The following SLC38A6 variants were observed in gnomAD, a reference collection of about 807,000 sequenced individuals.
SLC38A6 encodes solute carrier family 38 member 6.
SLC38A6 carries 73 observed loss-of-function variants against 65.0 expected under a neutral mutation model. The observed-to-expected ratio is 1.12, with a 90% CI of 0.93 to 1.37. SLC38A6 has a LOEUF of 1.37. Among genes scored for constraint, SLC38A6 ranks in the 40% most tolerant of loss-of-function variants. The probability of loss-of-function intolerance (pLI) is 0.00; values close to 1 mark genes in which losing one functional copy is unlikely to be tolerated. For missense variants in SLC38A6, 561 were observed against 531.1 expected, an observed-to-expected ratio of 1.06 and a Z score of -0.55; for synonymous variants, 183 against 178.8, an observed-to-expected ratio of 1.02 and a Z score of -0.19.
chr14:61,076,153 C>G (rs1446022591), intron 15 of SLC38A6, among the ~76,000 whole-genome samples: 1 of 152,146 alleles, frequency 6.6e-6, no homozygotes, highest in African/African-American at 2.4e-5. Flanking sequence ...CCACACCCGG[C>G]CTTCAACTCA....
intron 3 of SLC38A6, among the ~76,000 whole-genome samples, chr14:60,989,995 C>T (rs1355735089): frequency 6.6e-6 from 1 of 152,004 alleles, no homozygotes; most frequent in African/African-American, 2.4e-5. Context: ...TTGGTGTACC[C>T]CTGGGACTAT....
At chr14:61,028,219 G>C (rs979219407) in intron 5 of SLC38A6, among the ~76,000 whole-genome samples, 1 of 152,090 alleles carries the variant, frequency 6.6e-6, no homozygotes, top group Non-Finnish European at 1.5e-5. Flanking sequence ...AGAAATAATA[G>C]AAAATTACTG....
intron 3 of SLC38A6, among the ~76,000 whole-genome samples, chr14:60,989,352 C>T (rs192727756): frequency 8.9e-4 from 136 of 152,222 alleles, no homozygotes; most frequent in African/African-American, 2.8e-3. Context: ...AGTCTAATTT[C>T]TGTCATCATA....
chr14:60,995,722 A>G (rs566554171), intron 3 of SLC38A6, among the ~76,000 whole-genome samples: 48 of 152,324 alleles, frequency 3.2e-4, no homozygotes, highest in African/African-American at 1.1e-3. Flanking sequence ...TTCTCTGTGT[A>G]TATCAAAACA....
At chr14:60,995,801 C>T (rs1447780068) in intron 3 of SLC38A6, among the ~76,000 whole-genome samples, 5 of 152,054 alleles carry the variant, frequency 3.3e-5, no homozygotes, top group Admixed American at 2.6e-4. Flanking sequence ...CTGTATGATT[C>T]CAAGTATGTG....
At chr14:61,032,567 C>T (rs2041072448) in intron 6 of SLC38A6, among the ~76,000 whole-genome samples, 1 of 151,704 alleles carries the variant, frequency 6.6e-6, no homozygotes, top group South Asian at 2.1e-4. Context: ...CTTCAAAATA[C>T]TGTGGTCAGT....
chr14:61,063,276 CTT>C (rs2042917659), intron 15 of SLC38A6, among the ~76,000 whole-genome samples: 3 of 152,102 alleles, frequency 2.0e-5, no homozygotes, highest in African/African-American at 4.8e-5. Flanking sequence ...TATCTAAAAA[CTT>C]TTATAACTTT....
At chr14:61,006,192 G>A (rs1367097345) in intron 3 of SLC38A6, among the ~76,000 whole-genome samples, 1 of 152,194 alleles carries the variant, frequency 6.6e-6, no homozygotes, top group Non-Finnish European at 1.5e-5. Context: ...ATGGATTAAA[G>A]ACTTAAACAT....
At chr14:61,037,415 A>G (rs996945606) in intron 7 of SLC38A6, among the ~76,000 whole-genome samples, 1 of 152,138 alleles carries the variant, frequency 6.6e-6, no homozygotes, top group African/African-American at 2.4e-5. Flanking sequence ...CTTTCCTTAC[A>G]GTGTACCATT....
chr14:61,044,470 C>T (rs2042009789), intron 10 of SLC38A6, among the ~76,000 whole-genome samples: 2 of 152,124 alleles, frequency 1.3e-5, no homozygotes, highest in South Asian at 4.2e-4. Context: ...CTCTCATTTT[C>T]CTAGTCCAGC....
At chr14:60,993,275 A>C (rs939381575) in intron 3 of SLC38A6, among the ~76,000 whole-genome samples, 2 of 152,228 alleles carry the variant, frequency 1.3e-5, no homozygotes, top group Non-Finnish European at 2.9e-5. Flanking sequence ...TGAGGCACTG[A>C]GTGATTAACT....
chr14:61,018,038 T>C (rs2040121790), intron 4 of SLC38A6, among the ~76,000 whole-genome samples: 1 of 152,348 alleles, frequency 6.6e-6, no homozygotes, highest in East Asian at 1.9e-4. Context: ...TCAAATACTT[T>C]GTACCATGTA....
At position 61,043,252 on chromosome 14, in the gene SLC38A6, T is replaced by A. The variant is rs756792480; in HGVS notation, c.690+40T>A. ...TTTCTTTTCAGTTTCTTCCTTTTTA[T>A]TTTAACTAAAAAGAAAAGAAAGACT... is the stretch of plus-strand genomic sequence containing the variant. On this transcript the variant is annotated intron_variant, in intron 9 of 15. Transcript: ENST00000267488. 7 of 1,308,228 alleles carry A rather than the reference T, an allele frequency of 5.4e-6. No homozygotes were observed. In the East Asian group the frequency reaches 1.6e-4, roughly 31 times the overall value. 81.0% of individuals were successfully genotyped at this position (1,308,228 alleles called of 1,614,324 possible). A position where few individuals can be genotyped will look rare whatever the true frequency, so the allele number is the denominator to read the frequency against.
chr14:60,999,445 G>A (rs1237746144), intron 3 of SLC38A6, among the ~76,000 whole-genome samples: 5 of 152,140 alleles, frequency 3.3e-5, no homozygotes, highest in Admixed American at 6.5e-5. Context: ...ACCCTCTGGA[G>A]CACTGATTCT....
At chr14:60,996,948 C>T (rs2038338449) in intron 3 of SLC38A6, among the ~76,000 whole-genome samples, 1 of 152,144 alleles carries the variant, frequency 6.6e-6, no homozygotes, top group Admixed American at 6.5e-5. Context: ...TATACAAGGT[C>T]TCAAAAATTT....
At chr14:60,992,791 A>G (rs893805900) in intron 3 of SLC38A6, among the ~76,000 whole-genome samples, 5 of 151,692 alleles carry the variant, frequency 3.3e-5, no homozygotes, top group South Asian at 2.1e-4. Flanking sequence ...GGTTCAAGCA[A>G]TTCTCATGTC....
chr14:61,043,920 C>G (rs1019486870), intron 10 of SLC38A6, among the ~76,000 whole-genome samples: 3 of 152,282 alleles, frequency 2.0e-5, no homozygotes, highest in Admixed American at 1.3e-4. Context: ...ACAGCCTCAT[C>G]ATTGGACTAG....
chr14:61,042,557 TTTTG>T (rs909220493), intron 8 of SLC38A6, among the ~76,000 whole-genome samples: 5 of 152,196 alleles, frequency 3.3e-5, no homozygotes, highest in African/African-American at 9.7e-5. Flanking sequence ...TTAATGTTTT[TTTTG>T]TTTGTTTGTT....
At chr14:61,045,018 C>T (rs1417257741) in intron 10 of SLC38A6, among the ~76,000 whole-genome samples, 1 of 152,054 alleles carries the variant, frequency 6.6e-6, no homozygotes. Context: ...ATTTTTATCT[C>T]ATTTAAATAT....
Sources: allele counts gnomAD v4.1 joint callset (sites outside exome capture counted in the v4.1 genomes callset), GRCh38; gene constraint gnomAD v4.1.1; transcripts MANE v1.5; gene names NCBI Gene and HGNC (gene_info 2026-07-23, HGNC 2026-07-21).